Variants in ZNF519 observed in about 807,000 individuals in gnomAD.
ZNF519 encodes zinc finger protein 519, also known as similar to Zinc finger protein 85 (Zinc finger protein HPF4) (HTF1).
Under a neutral mutation model 7.4 loss-of-function variants are expected in ZNF519, and 7 were observed. The ratio of observed to expected loss-of-function variants is 0.94; its 90% CI spans 0.54 to 1.77. ZNF519 has a LOEUF of 1.77. ZNF519 is among the 40% of genes most tolerant of loss of function. ZNF519 has a pLI of 0.00. For synonymous variants in ZNF519, 179 were observed against 203.3 expected (o/e 0.88, Z 1.02); for missense variants, 586 against 623.1 (o/e 0.94, Z 0.63).
intron 2 of ZNF519, among the ~76,000 whole-genome samples, chr18:14,119,659 T>G (rs554644192): frequency 9.9e-5 from 15 of 151,700 alleles, no homozygotes; most frequent in Middle Eastern, 3.4e-3. Context: ...TGTCACTCTG[T>G]TGCCCAGGCT....
chr18:14,073,686 ACT>A (rs1803987683), downstream of ZNF519: 1 of 151,972 alleles, frequency 6.6e-6, no homozygotes, highest in African/African-American at 2.4e-5. Flanking sequence ...CATGATCTTC[ACT>A]CTGTTTTTGA....
At chr18:14,127,668 T>C (rs114047463) in intron 1 of ZNF519, among the ~76,000 whole-genome samples, 9,250 of 152,106 alleles carry the variant, frequency 0.061, 516 homozygotes, top group African/African-American at 0.13. Flanking sequence ...CTAATTGGGT[T>C]TATGGGCCCC....
At position 14,115,705 on chromosome 18, in the gene ZNF519, C is replaced by A. The variant is rs191882650; in HGVS notation, c.130+8645G>T. Among the ~76,000 whole-genome samples the A allele has an allele frequency of 6.4e-3, 972 of 152,170 alleles. 1 individual carries two copies. Among genetic ancestry groups the A allele is most frequent in the Non-Finnish European group, 9.3e-3 (633 of 67,986 alleles). Reference sequence around the variant, plus strand: ...ATGAATAAAGACAATTTCAAATATACAAATAAATAATATTCAGGTTTTTAA... The same window carrying A: ...ATGAATAAAGACAATTTCAAATATAAAAATAAATAATATTCAGGTTTTTAA... On this transcript the variant is annotated intron_variant, in intron 2 of 2. Transcript: ENST00000590202.
chr18:14,086,477 T>A (rs1048353442), intron 2 of ZNF519, among the ~76,000 whole-genome samples: 1 of 152,116 alleles, frequency 6.6e-6, no homozygotes, highest in East Asian at 1.9e-4. Context: ...CCCTGTCTCA[T>A]CCATGCCCCA....
Position 14,105,066 on chromosome 18 carries a change from C to G in ZNF519, c.1474G>C (p.Glu492Gln). 5 of 1,612,022 alleles carry G rather than the reference C, an allele frequency of 3.1e-6. No homozygotes were observed. In the Middle Eastern group the frequency reaches 5.0e-4, roughly 160 times the overall value. The change falls in exon 3 of 3, where the codon GAA becomes CAA. Residue 492 changes from glutamate to glutamine, a missense_variant. Transcript: ENST00000590202. ...HTGEKFFKCKECGKAFTRSSH... is the reference protein window; with the variant it reads ...HTGEKFFKCKQCGKAFTRSSH... ...CTCCTGGTAAAAGCTTTGCCACATTCTTTACATTTGAAGAATTTCTCTCCA... is the reference window on the plus strand; with the variant it reads ...CTCCTGGTAAAAGCTTTGCCACATTGTTTACATTTGAAGAATTTCTCTCCA...
chr18:14,126,010 GC>G (rs2046297563), intron 1 of ZNF519, among the ~76,000 whole-genome samples: 2 of 152,032 alleles, frequency 1.3e-5, no homozygotes, highest in South Asian at 4.1e-4. Flanking sequence ...AGAATTTAAG[GC>G]CCCAAAGTAT....
rs1309267218 is a variant in ZNF519 at position 14,106,021 on chromosome 18, A to G, written c.519T>C (p.Ser173=). The G allele has an allele frequency of 6.3e-7, 1 of 1,579,424 alleles. No individual in the cohort carries two copies. The highest frequency in any genetic ancestry group is 1.8e-5 in the Admixed American group (1 of 55,724). ...NHDSNISKHH[S]THFLENYYNC... ...TGTAATAGTTTTCTAGAAAATGAGT[A>G]CTATGATGTTTACTAATATTTGAGT... Residue 173 remains serine (S), a synonymous_variant, in exon 3 of 3, where the codon AGT becomes AGC. Coordinates refer to ENST00000590202, the MANE Select transcript of ZNF519 (RefSeq NM_145287.4).
At position 14,103,065 on chromosome 18, in the gene ZNF519, T is replaced by C. The variant is rs936407424; in HGVS notation, c.*1852A>G. Reference sequence around the variant, plus strand: ...CAACTATACTGATAATATTACAGGCTATAAATAGATTAAATAATCAAATCC... The same window carrying C: ...CAACTATACTGATAATATTACAGGCCATAAATAGATTAAATAATCAAATCC... On this transcript the variant is annotated 3_prime_UTR_variant, in exon 3 of 3. Coordinates refer to ENST00000590202, the MANE Select transcript of ZNF519 (RefSeq NM_145287.4). 1 of 152,112 alleles carries C rather than the reference T, an allele frequency of 6.6e-6. No individual in the cohort carries two copies. Among genetic ancestry groups the C allele is most frequent in the Non-Finnish European group, 1.5e-5 (1 of 68,002 alleles). The allele number at this position is 152,112 out of a possible 1,614,324, so 9.4% of individuals were successfully genotyped here. A position where few individuals can be genotyped will look rare whatever the true frequency, so the allele number is the denominator to read the frequency against.
At chr18:14,071,368 G>A (rs540794030), downstream of ZNF519, 4 of 152,098 alleles carry the variant, frequency 2.6e-5, no homozygotes, top group Non-Finnish European at 5.9e-5. Context: ...AGATATACAT[G>A]CATATACAGA....
chr18:14,104,798 T>C lies in ZNF519; in HGVS notation c.*119A>G, dbSNP rs2046179400. On this transcript the variant is annotated 3_prime_UTR_variant, in exon 3 of 3. Coordinates refer to ENST00000590202, the MANE Select transcript of ZNF519 (RefSeq NM_145287.4). ...TTCTAATTTTTATTTAATCTTCATT[T>C]TGATGTTTCAAAAATCATTACACAT... The C allele has an allele frequency of 5.3e-6, 6 of 1,142,032 alleles. No individual in the cohort carries two copies. Among genetic ancestry groups the C allele is most frequent in the Admixed American group, 2.7e-5 (1 of 37,130 alleles). The allele number at this position is 1,142,032 out of a possible 1,614,324, so 70.7% of individuals were successfully genotyped here.
Position 14,101,662 on chromosome 18 carries a change from T to C in ZNF519, c.*3255A>G, listed in dbSNP as rs2046162230. On this transcript the variant is annotated 3_prime_UTR_variant, in exon 3 of 3. Coordinates refer to ENST00000590202, the MANE Select transcript of ZNF519 (RefSeq NM_145287.4). ...GGGCCCTGGTTATAGAGACCATCTC[T>C]ACACCCACACCCCAATCGAGGCAGG... The C allele has an allele frequency of 2.5e-6, 1 of 398,596 alleles. No homozygotes were observed. The highest frequency in any genetic ancestry group is 4.4e-6 in the Non-Finnish European group (1 of 226,118). 24.7% of individuals were successfully genotyped at this position (398,596 alleles called of 1,614,324 possible).
intron 3 of ZNF519, among the ~76,000 whole-genome samples, chr18:14,084,706 G>T (rs1305343666): frequency 6.6e-6 from 1 of 152,058 alleles, no homozygotes; most frequent in Non-Finnish European, 1.5e-5. Context: ...CTCAAGGCCT[G>T]GTGCTCCTCC....
rs1361747828 is a variant in ZNF519, at chr18:14,105,329, A to G, written c.1211T>C (p.Phe404Ser). Residue 404 changes from phenylalanine to serine, a missense_variant, in exon 3 of 3, where the codon TTC (phenylalanine) becomes TCC (serine). Physicochemically the swap from Phe to Ser is radical, Grantham distance 155. Transcript: ENST00000590202. ...AGCTTTGCCACATTCCTTACACTTGAAAGGTTTCTCTCCAGTATGCATTCT... is the reference window on the plus strand; with the variant it reads ...AGCTTTGCCACATTCCTTACACTTGGAAGGTTTCTCTCCAGTATGCATTCT... Reference protein sequence around the residue: ...HQRMHTGEKPFKCKECGKAFN... With the variant: ...HQRMHTGEKPSKCKECGKAFN... 6.2e-7 allele frequency: 1 copy of G among 1,613,756 alleles called. No individual in the cohort carries two copies. The highest frequency in any genetic ancestry group is 1.7e-5 in the Admixed American group (1 of 59,976).
rs2046316413 is a variant in ZNF519 at position 14,129,014 on chromosome 18, G to A, written c.3+3261C>T. Among the ~76,000 whole-genome samples, 3 of 152,208 alleles carry A rather than the reference G, an allele frequency of 2.0e-5. No individual in the cohort carries two copies. The Middle Eastern group carries it at 0.01, about 518-fold the overall frequency. On this transcript the variant is annotated intron_variant, in intron 1 of 2. Transcript: ENST00000590202. ...GTACACATGAAAGAGGATTTGTGGG[G>A]AAGAAAAAAGCAGAAAAGAGAAAGA... is the stretch of plus-strand genomic sequence containing the variant.
intron 2 of ZNF519, among the ~76,000 whole-genome samples, chr18:14,111,205 G>GA (rs377320647): frequency 4.2e-5 from 5 of 118,966 alleles, no homozygotes; most frequent in African/African-American, 5.9e-5. Flanking sequence ...GCCAGACTAA[G>GA]AAAAAAAAAG....
In ZNF519 at chr18:14,102,651, A is replaced by T. The variant is rs537738411; in HGVS notation, c.*2266T>A. 6.6e-6 allele frequency: 1 copy of T among 152,216 alleles called. No individual in the cohort carries two copies. The highest frequency in any genetic ancestry group is 1.5e-5 in the Non-Finnish European group (1 of 68,048). The allele number at this position is 152,216 out of a possible 1,614,324, so 9.4% of individuals were successfully genotyped here. A position where few individuals can be genotyped will look rare whatever the true frequency, so the allele number is the denominator to read the frequency against. On this transcript the variant is annotated 3_prime_UTR_variant, in exon 3 of 3. Transcript: ENST00000590202. The stretch of plus-strand genomic sequence containing the variant: ...GGATACAAAATGTAGAGTACTTTTT[A>T]AAATAATAATAATTTATTCTCTATA...
downstream of ZNF519, among the ~76,000 whole-genome samples, chr18:14,096,051 TGG>T (rs2046135134): frequency 6.6e-6 from 1 of 152,226 alleles, no homozygotes; most frequent in African/African-American, 2.4e-5. Flanking sequence ...TGCCTTGCAC[TGG>T]GGTGAGTCCA....
chr18:14,074,604 C>T (rs2143068131), downstream of ZNF519: 1 of 152,698 alleles, frequency 6.5e-6, no homozygotes, highest in Middle Eastern at 3.3e-3. Flanking sequence ...GGGCAAAATA[C>T]CATCAGTCTC....
At chr18:14,086,085 C>G (rs1333888859) in intron 2 of ZNF519, among the ~76,000 whole-genome samples, 3 of 152,104 alleles carry the variant, frequency 2.0e-5, no homozygotes, top group African/African-American at 4.8e-5. Flanking sequence ...CTGGGCAGCA[C>G]AGTGCAAAGA....
Sources: allele counts gnomAD v4.1 joint callset (sites outside exome capture counted in the v4.1 genomes callset), GRCh38; gene constraint gnomAD v4.1.1; transcripts MANE v1.5; gene names NCBI Gene and HGNC (gene_info 2026-07-23, HGNC 2026-07-21).